Variants in CCDC148 observed in about 807,000 individuals in gnomAD.
CCDC148 encodes the protein coiled-coil domain-containing protein 148.
A neutral mutation model predicts 85.7 loss-of-function variants in CCDC148; 89 were observed. The observed-to-expected ratio is 1.04, with a 90% CI of 0.87 to 1.24. The LOEUF (loss-of-function observed/expected upper bound fraction) is 1.24, where lower values mean the gene tolerates loss of function less well. CCDC148 is among the 50% of genes most tolerant of loss of function. CCDC148 has a pLI of 0.00. For synonymous variants in CCDC148, 230 were observed against 213.9 expected, an observed-to-expected ratio of 1.08 and a Z score of -0.66; for missense variants, 692 against 671.7, an observed-to-expected ratio of 1.03 and a Z score of -0.33.
intron 1 of CCDC148, among the ~76,000 whole-genome samples, chr2:158,424,079 G>C (rs1321622229): frequency 1.3e-5 from 2 of 152,222 alleles, no homozygotes; most frequent in African/African-American, 2.4e-5. Flanking sequence ...AGGTGTTGGA[G>C]AGGATGTGGA....
At chr2:158,428,443 G>A (rs1194651308) in intron 1 of CCDC148, among the ~76,000 whole-genome samples, 1 of 152,008 alleles carries the variant, frequency 6.6e-6, no homozygotes, top group Non-Finnish European at 1.5e-5. Flanking sequence ...GCCAGATTTG[G>A]AGGCAGGTGT....
chr2:158,202,190 T>A (rs1212847973), intron 11 of CCDC148, among the ~76,000 whole-genome samples: 3 of 152,204 alleles, frequency 2.0e-5, no homozygotes, highest in Non-Finnish European at 4.4e-5. Flanking sequence ...ATGAATTTTT[T>A]AAAGTGTTCC....
chr2:158,257,561 A>T (rs560347885), intron 9 of CCDC148, among the ~76,000 whole-genome samples: 2 of 151,794 alleles, frequency 1.3e-5, no homozygotes, highest in African/African-American at 4.8e-5. Flanking sequence ...TCCATTTGGC[A>T]TTTCTGCTTA....
intron 2 of CCDC148, among the ~76,000 whole-genome samples, chr2:158,355,222 A>T (rs369779818): frequency 1.2e-4 from 19 of 152,104 alleles, no homozygotes; most frequent in African/African-American, 4.3e-4. Context: ...TTGGAAGTTC[A>T]GGCCAGGGCA....
intron 9 of CCDC148, among the ~76,000 whole-genome samples, chr2:158,283,309 C>T (rs1197610902): frequency 6.6e-6 from 1 of 152,122 alleles, no homozygotes; most frequent in Admixed American, 6.5e-5. Context: ...AGCTTCTGCA[C>T]AGCAAAAGAA....
At chr2:158,352,993 G>A (rs1186448993) in intron 2 of CCDC148, among the ~76,000 whole-genome samples, 1 of 150,428 alleles carries the variant, frequency 6.6e-6, no homozygotes, top group African/African-American at 2.5e-5. Flanking sequence ...ATAAGTGAAG[G>A]AGAAATAAAA....
At chr2:158,397,149 T>C (rs1448636242) in intron 1 of CCDC148, among the ~76,000 whole-genome samples, 2 of 151,906 alleles carry the variant, frequency 1.3e-5, no homozygotes, top group Non-Finnish European at 2.9e-5. Context: ...TGTCTCAAAA[T>C]CTCAGTAAGA....
chr2:158,332,232 T>A (rs936174713), intron 7 of CCDC148, among the ~76,000 whole-genome samples: 1 of 152,014 alleles, frequency 6.6e-6, no homozygotes, highest in African/African-American at 2.4e-5. Context: ...CATTTGTTTG[T>A]CTGTAAAGGA....
At chr2:158,368,264 T>G (rs925526748) in intron 1 of CCDC148, among the ~76,000 whole-genome samples, 14 of 152,182 alleles carry the variant, frequency 9.2e-5, no homozygotes, top group Non-Finnish European at 1.6e-4. Context: ...ATATGTTCTT[T>G]ATCCCATTTC....
chr2:158,418,028 AT>A (rs1346931970), intron 1 of CCDC148, among the ~76,000 whole-genome samples: 8 of 152,044 alleles, frequency 5.3e-5, no homozygotes, highest in Admixed American at 3.3e-4. Context: ...GTAATCTATT[AT>A]TTTTTTAAAA....
chr2:158,281,640 T>A (rs1350519100), intron 9 of CCDC148, among the ~76,000 whole-genome samples: 19 of 152,054 alleles, frequency 1.2e-4, no homozygotes, highest in Non-Finnish European at 1.9e-4. Flanking sequence ...AATCAACAGC[T>A]TACCAACCAA....
At chr2:158,351,467 G>GGGTGACCAAC (rs4028064) in intron 2 of CCDC148, among the ~76,000 whole-genome samples, 2 of 150,364 alleles carry the variant, frequency 1.3e-5, no homozygotes, top group African/African-American at 2.4e-5. Flanking sequence ...TCAAAGAAAG[G>GGGTGACCAAC]GGCACCTGGA....
At chr2:158,348,591 T>G (rs1683109732) in intron 2 of CCDC148, among the ~76,000 whole-genome samples, 2 of 152,022 alleles carry the variant, frequency 1.3e-5, no homozygotes, top group African/African-American at 4.8e-5. Flanking sequence ...TATTGTAGGC[T>G]TTTTAAAAAT....
chr2:158,386,418 C>T (rs1279854990), intron 1 of CCDC148, among the ~76,000 whole-genome samples: 2 of 152,120 alleles, frequency 1.3e-5, no homozygotes, highest in African/African-American at 4.8e-5. Context: ...ACACCTACTG[C>T]AGTAAGCATT....
chr2:158,270,973 A>G lies in CCDC148; in HGVS notation c.1111-20061T>C, dbSNP rs562919832. Among the ~76,000 whole-genome samples the G allele has an allele frequency of 1.0e-3, 159 of 152,316 alleles. 9 individuals are homozygous for G. In the South Asian group the frequency reaches 0.033, roughly 31 times the overall value. ...TGCTGGAAAATAGCTCCTGAGACAA[A>G]TGGAAAATCTACATTGGATTTGATT... On this transcript the variant is annotated intron_variant, in intron 9 of 13. Coordinates refer to ENST00000283233, the MANE Select transcript of CCDC148 (RefSeq NM_138803.4).
chr2:158,409,563 T>C (rs1354530687), intron 1 of CCDC148, among the ~76,000 whole-genome samples: 1 of 152,350 alleles, frequency 6.6e-6, no homozygotes, highest in Non-Finnish European at 1.5e-5. Context: ...GTACCCCCAC[T>C]GTATCTAGGA....
chr2:158,224,523 C>T (rs1194198926), intron 10 of CCDC148, among the ~76,000 whole-genome samples: 1 of 151,116 alleles, frequency 6.6e-6, no homozygotes, highest in Non-Finnish European at 1.5e-5. Flanking sequence ...TCAGATTCAC[C>T]AAAGGTAAAA....
At chr2:158,452,156 G>A (rs973025665) in intron 1 of CCDC148, among the ~76,000 whole-genome samples, 3 of 152,198 alleles carry the variant, frequency 2.0e-5, no homozygotes, top group Non-Finnish European at 4.4e-5. Flanking sequence ...ACAAATAAAT[G>A]TGACTCAAGG....
At chr2:158,375,925 C>G (rs963465592) in intron 1 of CCDC148, among the ~76,000 whole-genome samples, 18 of 152,146 alleles carry the variant, frequency 1.2e-4, no homozygotes, top group African/African-American at 3.9e-4. Context: ...GCTGTACCAG[C>G]CCTGGACTCT....
Sources: allele counts gnomAD v4.1 joint callset (sites outside exome capture counted in the v4.1 genomes callset), GRCh38; gene constraint gnomAD v4.1.1; transcripts MANE v1.5; gene names NCBI Gene and HGNC (gene_info 2026-07-23, HGNC 2026-07-21).